The following WDR70 variants were observed in gnomAD, a reference collection of about 807,000 sequenced individuals.
The protein encoded by WDR70 is WD repeat-containing protein 70.
WDR70 carries 53 observed loss-of-function variants against 88.6 expected under a neutral mutation model. The ratio of observed to expected loss-of-function variants is 0.60; its 90% CI spans 0.48 to 0.75. The LOEUF is 0.75. WDR70 is among the 30% of genes least tolerant of loss of function. WDR70 has a pLI of 0.00. For missense variants in WDR70, 610 were observed against 823.2 expected (o/e 0.74, Z 3.17); for synonymous variants, 280 against 270.0 (o/e 1.04, Z -0.36).
chr5:37,383,076 AATAAG>A (rs1748483404), intron 3 of WDR70, among the ~76,000 whole-genome samples: 2 of 151,968 alleles, frequency 1.3e-5, no homozygotes, highest in Non-Finnish European at 2.9e-5. Context: ...CTTAAAATAA[AATAAG>A]ATAAAATAAA....
chr5:37,437,768 A>C (rs982108659), intron 5 of WDR70, among the ~76,000 whole-genome samples, 154 bp from the exon 6 acceptor site: 3 of 152,260 alleles, frequency 2.0e-5, no homozygotes, highest in Middle Eastern at 3.4e-3. Context: ...TGTAGAAAAA[A>C]GATACTCTCA....
intron 7 of WDR70, among the ~76,000 whole-genome samples, chr5:37,456,952 TAAA>T (rs2112094135): frequency 6.6e-6 from 1 of 152,234 alleles, no homozygotes; most frequent in South Asian, 2.1e-4. Context: ...GCTTCATTAA[TAAA>T]GAAGGAAAAA....
At chr5:37,624,228 A>G (rs184292618) in intron 10 of WDR70, among the ~76,000 whole-genome samples, 2 of 152,086 alleles carry the variant, frequency 1.3e-5, no homozygotes, top group Admixed American at 1.3e-4. Context: ...CTCAGCCTCT[A>G]GTATTCTCTG....
chr5:37,491,883 A>G (rs1740078516), intron 8 of WDR70, among the ~76,000 whole-genome samples: 4 of 152,246 alleles, frequency 2.6e-5, no homozygotes, highest in Admixed American at 2.0e-4. Context: ...ATTTCTTTCC[A>G]TTTTCTAAAT....
rs572561061 is a variant in WDR70 at position 37,543,993 on chromosome 5, A to G, written c.917+27403A>G. ...CACCATGTTGGCCAGTCTGGTCTCG[A>G]ACTCCTGACGTCAAGGGATCCACCT... On this transcript the variant is annotated intron_variant, in intron 9 of 17. Coordinates refer to ENST00000265107, the MANE Select transcript of WDR70 (RefSeq NM_018034.4). Among the ~76,000 whole-genome samples, 8 of 152,220 alleles carry G rather than the reference A, an allele frequency of 5.3e-5. No individual in the cohort carries two copies. The South Asian group carries it at 1.7e-3, about 32-fold the overall frequency.
At chr5:37,382,722 C>T (rs1374064357) in intron 3 of WDR70, among the ~76,000 whole-genome samples, 1 of 152,152 alleles carries the variant, frequency 6.6e-6, no homozygotes, top group Non-Finnish European at 1.5e-5. Context: ...CATTTTAAGA[C>T]CAACAATGGG....
chr5:37,720,830 AC>A (rs2112694670), intron 13 of WDR70, among the ~76,000 whole-genome samples: 1 of 152,304 alleles, frequency 6.6e-6, no homozygotes, highest in Admixed American at 6.5e-5. Context: ...GTGGTAATGG[AC>A]CTGGGAAACC....
intron 10 of WDR70, among the ~76,000 whole-genome samples, chr5:37,623,125 T>C (rs1245693572): frequency 6.6e-6 from 1 of 152,180 alleles, no homozygotes; most frequent in African/African-American, 2.4e-5. Context: ...TTCTGCTTGG[T>C]AATACTGAAA....
rs1179929286 is a variant in WDR70, at chr5:37,663,952, A to G, written c.1093-33703A>G. On this transcript the variant is annotated intron_variant, in intron 10 of 17. Coordinates refer to ENST00000265107, the MANE Select transcript of WDR70 (RefSeq NM_018034.4). Reference sequence around the variant, plus strand: ...TGCTTTTTATTTATTTTATTTAACAAAAGCTTTCTCCAACTCTAACTTTTT... The same window carrying G: ...TGCTTTTTATTTATTTTATTTAACAGAAGCTTTCTCCAACTCTAACTTTTT... 7.2e-5 allele frequency among the ~76,000 whole-genome samples: 11 copies of G among 152,144 alleles called. No homozygotes were observed. The East Asian group carries it at 2.1e-3, about 29-fold the overall frequency.
chr5:37,645,840 G>A (rs2112550357), intron 10 of WDR70, among the ~76,000 whole-genome samples: 1 of 151,956 alleles, frequency 6.6e-6, no homozygotes, highest in African/African-American at 2.4e-5. Flanking sequence ...TCCATCCTTT[G>A]TTTTCAGTCT....
At chr5:37,414,370 T>G (rs1238809355) in intron 5 of WDR70, among the ~76,000 whole-genome samples, 1 of 152,106 alleles carries the variant, frequency 6.6e-6, no homozygotes, top group Non-Finnish European at 1.5e-5. Context: ...ACTTTCTATT[T>G]ACTCTTTCTT....
At chr5:37,721,004 TA>T in intron 13 of WDR70, 110 bp from the exon 14 acceptor site, 1 of 880,714 alleles carries the variant, frequency 1.1e-6, no homozygotes, top group Non-Finnish European at 1.8e-6. Flanking sequence ...AAGTTAGAGG[TA>T]AACCATCAGG....
intron 9 of WDR70, among the ~76,000 whole-genome samples, chr5:37,551,984 C>T (rs1048350846): frequency 5.9e-5 from 9 of 151,922 alleles, no homozygotes; most frequent in Non-Finnish European, 1.3e-4. Flanking sequence ...GTTGGCCAGG[C>T]TGGTTTCGAA....
chr5:37,484,415 C>T lies in WDR70; in HGVS notation c.840+4428C>T, dbSNP rs978747282. On this transcript the variant is annotated intron_variant, in intron 8 of 17. Transcript: ENST00000265107. ...CAAAAAAATATGAAAACCAGTCAGG[C>T]GTGGCGGCGCGCGCCTGCAATCGCA... is the stretch of plus-strand genomic sequence containing the variant. Among the ~76,000 whole-genome samples, 14 of 152,246 alleles carry T rather than the reference C, an allele frequency of 9.2e-5. No homozygotes were observed. In the South Asian group the frequency reaches 1.9e-3, roughly 20 times the overall value.
At chr5:37,725,746 T>TAG (rs1292648638) in intron 16 of WDR70, among the ~76,000 whole-genome samples, 3 of 152,242 alleles carry the variant, frequency 2.0e-5, no homozygotes, top group Non-Finnish European at 4.4e-5. Flanking sequence ...TTGTGAACCC[T>TAG]TCTAACTATG....
rs1183128427 is a variant in WDR70, at chr5:37,752,625, T to C, written c.*52T>C. ...TGAGTGGGAGGGGTATGGGACAGGT[T>C]TGGGTTTTTTTTTTATGCTCATGAA... On this transcript the variant is annotated 3_prime_UTR_variant, in exon 18 of 18. Transcript: ENST00000265107. 3.0e-6 allele frequency: 4 copies of C among 1,350,512 alleles called. No homozygotes were observed. Among genetic ancestry groups the C allele is most frequent in the Middle Eastern group, 1.8e-4 (1 of 5,506 alleles). 83.7% of individuals were successfully genotyped at this position (1,350,512 alleles called of 1,614,324 possible). A position where few individuals can be genotyped will look rare whatever the true frequency, so the allele number is the denominator to read the frequency against.
intron 10 of WDR70, among the ~76,000 whole-genome samples, chr5:37,670,095 T>C (rs970102989): frequency 4.6e-5 from 7 of 152,150 alleles, no homozygotes; most frequent in Non-Finnish European, 8.8e-5. Context: ...CTAAAATTGA[T>C]TGTACTGGTG....
At chr5:37,488,077 C>CG (rs1739946715) in intron 8 of WDR70, among the ~76,000 whole-genome samples, 1 of 126,354 alleles carries the variant, frequency 7.9e-6, no homozygotes, top group Non-Finnish European at 1.6e-5. Context: ...TCTTGGGTGG[C>CG]TTTTTTTTTT....
chr5:37,669,886 A>G lies in WDR70; in HGVS notation c.1093-27769A>G, dbSNP rs112056373. 7.4e-3 allele frequency among the ~76,000 whole-genome samples: 1,124 copies of G among 152,368 alleles called. 18 individuals are homozygous for G. The highest frequency in any genetic ancestry group is 0.025 in the African/African-American group (1,056 of 41,584). On this transcript the variant is annotated intron_variant, in intron 10 of 17. Coordinates refer to ENST00000265107, the MANE Select transcript of WDR70 (RefSeq NM_018034.4). Reference sequence around the variant, plus strand: ...ACATACTGCAACATGGACGAACCTCAAAAACATTACGCTAAATGAAAGAAG... The same window carrying G: ...ACATACTGCAACATGGACGAACCTCGAAAACATTACGCTAAATGAAAGAAG...
Sources: allele counts gnomAD v4.1 joint callset (sites outside exome capture counted in the v4.1 genomes callset), GRCh38; gene constraint gnomAD v4.1.1; transcripts MANE v1.5; gene names NCBI Gene and HGNC (gene_info 2026-07-23, HGNC 2026-07-21).